FRAS1: variants seen among roughly 807,000 people sequenced by gnomAD.
FRAS1 encodes the protein extracellular matrix organizing protein FRAS1.
FRAS1 carries 290 observed loss-of-function variants against 435.2 expected under a neutral mutation model. The observed-to-expected ratio is 0.67, with a 90% CI of 0.61 to 0.73. The LOEUF is 0.73. Among genes scored for constraint, FRAS1 ranks in the 30% least tolerant of loss-of-function variants. The pLI, the probability that FRAS1 is intolerant of heterozygous loss-of-function variation, is 0.00. For synonymous variants in FRAS1, 1,800 were observed against 1,851.0 expected (o/e 0.97, Z 0.71); for missense variants, 4,860 against 5,001.5 (o/e 0.97, Z 0.85).
chr4:78,154,095 A>ACCT (rs1720782596), intron 2 of FRAS1, among the ~76,000 whole-genome samples: 1 of 152,062 alleles, frequency 6.6e-6, no homozygotes, highest in Non-Finnish European at 1.5e-5. Context: ...AGCCACTTGT[A>ACCT]ATTTATAGTT....
chr4:78,404,539 C>G (rs1733027759), intron 30 of FRAS1, among the ~76,000 whole-genome samples: 1 of 152,072 alleles, frequency 6.6e-6, no homozygotes, highest in Admixed American at 6.6e-5. Context: ...AGTACTGAAC[C>G]CTTCATCTTC....
chr4:78,535,345 A>G (rs533584444), intron 71 of FRAS1, among the ~76,000 whole-genome samples: 1 of 152,226 alleles, frequency 6.6e-6, no homozygotes, highest in East Asian at 1.9e-4. Flanking sequence ...CGGCCATTCC[A>G]TAGGATTTGA....
intron 14 of FRAS1, among the ~76,000 whole-genome samples, chr4:78,304,242 G>T (rs1403790172): frequency 6.6e-6 from 1 of 152,046 alleles, no homozygotes; most frequent in Non-Finnish European, 1.5e-5. Context: ...TTGATGTGCT[G>T]CTGGATTTGG....
chr4:78,075,473 C>A (rs1015795237), intron 2 of FRAS1, among the ~76,000 whole-genome samples: 1 of 152,070 alleles, frequency 6.6e-6, no homozygotes, highest in Non-Finnish European at 1.5e-5. Flanking sequence ...CAGCAGCAGT[C>A]GACCCAATAC....
chr4:78,471,373 A>C (rs1237093089), intron 51 of FRAS1, among the ~76,000 whole-genome samples: 1 of 152,174 alleles, frequency 6.6e-6, no homozygotes, highest in African/African-American at 2.4e-5. Flanking sequence ...GGTTTTAAAA[A>C]AAACAAACAA....
chr4:78,138,677 A>T (rs771934221), intron 2 of FRAS1, among the ~76,000 whole-genome samples: 23 of 152,174 alleles, frequency 1.5e-4, no homozygotes, highest in Non-Finnish European at 2.9e-4. Flanking sequence ...TAGGTACTTC[A>T]GTATCTCTCC....
chr4:78,095,304 T>C (rs1288057763), intron 2 of FRAS1, among the ~76,000 whole-genome samples: 1 of 152,238 alleles, frequency 6.6e-6, no homozygotes, highest in Non-Finnish European at 1.5e-5. Flanking sequence ...CATTGACAGC[T>C]CTAAAAGTTT....
intron 2 of FRAS1, among the ~76,000 whole-genome samples, chr4:78,161,429 A>AT (rs1049805890): frequency 2.0e-5 from 3 of 151,804 alleles, no homozygotes; most frequent in Non-Finnish European, 4.4e-5. Context: ...CTATGCCTTG[A>AT]TTTTCTCACT....
intron 2 of FRAS1, chr4:78,070,570 A>G (rs1417265546): frequency 6.6e-6 from 1 of 152,140 alleles, no homozygotes; most frequent in Non-Finnish European, 1.5e-5. Flanking sequence ...GGCTCACAAG[A>G]CTTTCTCTAA....
intron 26 of FRAS1, among the ~76,000 whole-genome samples, chr4:78,377,229 T>C (rs953977943): frequency 2.0e-5 from 3 of 152,178 alleles, no homozygotes; most frequent in African/African-American, 7.2e-5. Flanking sequence ...TCATATTCAA[T>C]CATATTTTCT....
chr4:78,527,277 G>C lies in FRAS1; in HGVS notation c.10925+620G>C, dbSNP rs145216118. On this transcript the variant is annotated intron_variant, in intron 70 of 73. Coordinates refer to ENST00000512123, the MANE Select transcript of FRAS1 (RefSeq NM_025074.7). ...AATAATGAGACTCAACCATACATGA[G>C]CCCATATTCACCTCAGACCTGAGAC... Among the ~76,000 whole-genome samples, 788 of 152,170 alleles carry C rather than the reference G, an allele frequency of 5.2e-3. 7 individuals carry two copies. Among genetic ancestry groups the C allele is most frequent in the Non-Finnish European group, 8.5e-3 (577 of 67,988 alleles).
At chr4:78,126,384 C>T (rs28640590) in intron 2 of FRAS1, among the ~76,000 whole-genome samples, 7,478 of 152,292 alleles carry the variant, frequency 0.049, 252 homozygotes, top group Middle Eastern at 0.085. Flanking sequence ...CACCCTGCAT[C>T]GGCTTGCCCT....
chr4:78,373,446 CTAATAATAATAATAATAATAA>C (rs3086797), intron 24 of FRAS1, among the ~76,000 whole-genome samples: 32 of 138,914 alleles, frequency 2.3e-4, no homozygotes, highest in Admixed American at 8.0e-4. Flanking sequence ...GAGCCAAGGA[CTAATAATAATAATAATAATAA>C]TAATAATAAT....
At chr4:78,127,652 CAAACA>C (rs142800847) in intron 2 of FRAS1, among the ~76,000 whole-genome samples, 9,412 of 151,354 alleles carry the variant, frequency 0.062, 785 homozygotes, top group African/African-American at 0.19. Flanking sequence ...AACAAACAAA[CAAACA>C]AACAACAACA....
In FRAS1 at chr4:78,479,701, CT is replaced by C; in HGVS notation, c.8427del (p.Val2810SerfsTer8). 6.3e-7 allele frequency: 1 copy of C among 1,592,752 alleles called. No homozygotes were observed. ...GTGTCCCTGGGCAACACGGCTTTCA[CT>C]GTCAGTGAGGACGCAGGTAATGGAG... ...STVSLGNTAF[T>X]VSEDAGTVKI... On this transcript the variant is annotated frameshift_variant, in exon 56 of 74. Transcript: ENST00000512123. LOFTEE classifies it high-confidence loss of function.
At chr4:78,124,291 G>A (rs1474595698) in intron 2 of FRAS1, among the ~76,000 whole-genome samples, 12 of 152,192 alleles carry the variant, frequency 7.9e-5, no homozygotes, top group Non-Finnish European at 1.5e-5. Context: ...ATTTGCATAT[G>A]TTGAATCAGC....
chr4:78,178,644 G>A (rs1315553803), intron 2 of FRAS1, among the ~76,000 whole-genome samples: 1 of 152,188 alleles, frequency 6.6e-6, no homozygotes, highest in Non-Finnish European at 1.5e-5. Flanking sequence ...CAGCAAGCTA[G>A]CATCTCTCAG....
intron 6 of FRAS1, among the ~76,000 whole-genome samples, chr4:78,261,217 C>T (rs1344140656): frequency 6.6e-6 from 1 of 151,952 alleles, no homozygotes; most frequent in African/African-American, 2.4e-5. Context: ...ATTGGTTCAT[C>T]TACTTTTTTA....
rs147531016 is a variant in FRAS1, at chr4:78,293,219, A to T, written c.1534+6680A>T. 5.8e-3 allele frequency among the ~76,000 whole-genome samples: 877 copies of T among 152,330 alleles called. 9 individuals carry two copies. The highest frequency in any genetic ancestry group is 0.02 in the African/African-American group (826 of 41,570). The stretch of plus-strand genomic sequence containing the variant: ...AATTATTATTATCAGTGCTATAAAG[A>T]TACCTTACAGGGGAATATGATAGGA... On this transcript the variant is annotated intron_variant, in intron 14 of 73. Transcript: ENST00000512123.
Sources: gnomAD v4.1 joint callset for allele counts (sites outside exome capture counted in the v4.1 genomes callset) on GRCh38, gnomAD v4.1.1 for gene constraint, MANE v1.5 for transcripts, NCBI Gene and HGNC (gene_info 2026-07-23, HGNC 2026-07-21) for gene names.